The following SCLY variants were observed in gnomAD, a reference collection of about 807,000 sequenced individuals.
SCLY encodes putative selenocysteine lyase.
Under a neutral mutation model 50.1 loss-of-function variants are expected in SCLY, and 38 were observed. The observed-to-expected ratio is 0.76, with a 90% CI of 0.59 to 0.99. SCLY has a LOEUF of 0.99. Ranked by LOEUF, SCLY falls within the 50% of genes least tolerant of loss-of-function variation. The probability of loss-of-function intolerance (pLI) is 0.00; values close to 1 mark genes in which losing one functional copy is unlikely to be tolerated. For synonymous variants in SCLY, 243 were observed against 249.4 expected (o/e 0.97, Z 0.24); for missense variants, 600 against 620.0 (o/e 0.97, Z 0.34).
Position 238,076,434 on chromosome 2 carries a change from C to T in SCLY, c.485-5275C>T, listed in dbSNP as rs528401120. Among the ~76,000 whole-genome samples the T allele has an allele frequency of 7.2e-5, 11 of 151,948 alleles. No individual in the cohort carries two copies. In the East Asian group the frequency reaches 1.7e-3, roughly 24 times the overall value. On this transcript the variant is annotated intron_variant, in intron 4 of 11. Transcript: ENST00000254663. ...GTAGGCATTTAAAGACATAAATTTC[C>T]CTCTAAGCACTGCTTTAACTACATT...
At position 238,068,482 on chromosome 2, in the gene SCLY, A is replaced by C. The variant is rs898817907; in HGVS notation, c.303+317A>C. 7.9e-5 allele frequency among the ~76,000 whole-genome samples: 12 copies of C among 152,162 alleles called. No homozygotes were observed. The East Asian group carries it at 2.3e-3, about 29-fold the overall frequency. Reference sequence around the variant, plus strand: ...CAGAATCATTTGAACCCAGGAATTCAAGGCTGCAGTGAGCTATGATCACGC... The same window carrying C: ...CAGAATCATTTGAACCCAGGAATTCCAGGCTGCAGTGAGCTATGATCACGC... On this transcript the variant is annotated intron_variant, in intron 3 of 11. Transcript: ENST00000254663.
chr2:238,086,967 C>T (rs1243866592), intron 7 of SCLY, among the ~76,000 whole-genome samples: 15 of 149,456 alleles, frequency 1.0e-4, no homozygotes, highest in South Asian at 4.2e-4. Context: ...TGTGGTGACC[C>T]GAGATCGCAC....
intron 5 of SCLY, 83 bp from the exon 6 acceptor site, chr2:238,081,962 C>G (rs929500895): frequency 6.3e-7 from 1 of 1,576,724 alleles, no homozygotes; most frequent in African/African-American, 1.3e-5. Flanking sequence ...TAACATTTGG[C>G]CTGCGCTCAC....
rs371961950 is a variant in SCLY at position 238,068,169 on chromosome 2, A to G, written c.303+4A>G. 24 of 1,581,538 alleles carry G rather than the reference A, an allele frequency of 1.5e-5. No homozygotes were observed. The African/African-American group carries it at 3.0e-4, about 20-fold the overall frequency. ...CTTCACTTCCGGGGGCACTGAGGTAAAGCTTCTGAACACACTCACATTCTG... is the reference window on the plus strand; with the variant it reads ...CTTCACTTCCGGGGGCACTGAGGTAGAGCTTCTGAACACACTCACATTCTG... On this transcript the variant is annotated splice_donor_region_variant and intron_variant, in intron 3 of 11. Transcript: ENST00000254663.
At chr2:238,075,347 T>C (rs928996127) in intron 4 of SCLY, among the ~76,000 whole-genome samples, 4 of 152,212 alleles carry the variant, frequency 2.6e-5, no homozygotes, top group Non-Finnish European at 4.4e-5. Context: ...AGTTTTCTTG[T>C]GGTGTCTTTG....
At position 238,093,882 on chromosome 2, in the gene SCLY, A is replaced by G; in HGVS notation, c.943A>G (p.Asn315Asp). ...CCAGGCCGCGGAGCTGGTGACCCAG[A>G]ACTGCGAGGCTTATGAGGCCCACAT... ...LGKAAELVTQ[N>D]CEAYEAHMRD... Residue 315 changes from asparagine (N) to aspartate (D), a missense_variant, in exon 9 of 12, where the codon AAC becomes GAC. Transcript: ENST00000254663. 9.3e-6 allele frequency: 15 copies of G among 1,614,064 alleles called. No homozygotes were observed. The highest frequency in any genetic ancestry group is 1.3e-5 in the Non-Finnish European group (15 of 1,180,020).
intron 11 of SCLY, among the ~76,000 whole-genome samples, chr2:238,097,079 G>A (rs2065445217): frequency 6.6e-6 from 1 of 151,930 alleles, no homozygotes; most frequent in African/African-American, 2.4e-5. Flanking sequence ...ACTTGTGCGG[G>A]AGAAGAGGGC....
chr2:238,064,327 T>G (rs773260161), intron 1 of SCLY, 30 bp from the exon 2 acceptor site: 1 of 1,463,016 alleles, frequency 6.8e-7, no homozygotes, highest in Admixed American at 1.9e-5. Flanking sequence ...TCCTTTTCCT[T>G]AATGGGTGTC....
chr2:238,064,698 G>A (rs1317559357), intron 2 of SCLY: 1 of 320,938 alleles, frequency 3.1e-6, no homozygotes, highest in Admixed American at 5.3e-5. Context: ...TTAACATGCT[G>A]TCCTGTCACC....
chr2:238,096,946 G>C, intron 11 of SCLY, 70 bp downstream of exon 11: 1 of 1,410,800 alleles, frequency 7.1e-7, no homozygotes, highest in Non-Finnish European at 9.6e-7. Context: ...TGGGCAGGCG[G>C]CAGGATCCGG....
intron 3 of SCLY, 141 bp downstream of exon 3, chr2:238,068,306 T>C (rs754418460): frequency 3.2e-6 from 2 of 623,040 alleles, no homozygotes; most frequent in Non-Finnish European, 5.2e-6. Context: ...CCCAGTACTT[T>C]GGGAGGCCAA....
Position 238,098,806 on chromosome 2 carries a change from G to C in SCLY, c.*451G>C, listed in dbSNP as rs1037934865. The C allele has an allele frequency of 8.6e-6, 3 of 347,448 alleles. No individual in the cohort carries two copies. Among genetic ancestry groups the C allele is most frequent in the East Asian group, 4.3e-5 (1 of 23,284 alleles). The allele number at this position is 347,448 out of a possible 1,614,324, so 21.5% of individuals were successfully genotyped here. ...TCCAAGTATTTATAACTCATTGTCA[G>C]CCAAATGCTATCATGAACGTAGGAA... is the stretch of plus-strand genomic sequence containing the variant. On this transcript the variant is annotated 3_prime_UTR_variant, in exon 12 of 12. Coordinates refer to ENST00000254663, the MANE Select transcript of SCLY (RefSeq NM_016510.7).
intron 5 of SCLY, 50 bp from the exon 6 acceptor site, chr2:238,081,995 G>A: frequency 6.3e-7 from 1 of 1,591,278 alleles, no homozygotes. Flanking sequence ...CTGTCATTCA[G>A]TTTTCATCAG....
Position 238,094,414 on chromosome 2 carries a change from T to A in SCLY, c.1006-6T>A, listed in dbSNP as rs777540869. The A allele has an allele frequency of 6.2e-7, 1 of 1,611,674 alleles. No individual in the cohort carries two copies. The highest frequency in any genetic ancestry group is 1.7e-5 in the Admixed American group (1 of 59,598). Reference sequence around the variant, plus strand: ...TGTCACCAAATATTTCACTTATTTTTTTCAGGCTGAATTCGGTCAGAAGAG... The same window carrying A: ...TGTCACCAAATATTTCACTTATTTTATTCAGGCTGAATTCGGTCAGAAGAG... On this transcript the variant is annotated splice_region_variant and splice_polypyrimidine_tract_variant and intron_variant, in intron 9 of 11. Coordinates refer to ENST00000254663, the MANE Select transcript of SCLY (RefSeq NM_016510.7).
intron 4 of SCLY, among the ~76,000 whole-genome samples, chr2:238,072,594 A>AT (rs2106440187): frequency 6.6e-6 from 1 of 152,314 alleles, no homozygotes; most frequent in South Asian, 2.1e-4. Flanking sequence ...GTAAAGTGGT[A>AT]TCTCATTTTG....
intron 4 of SCLY, among the ~76,000 whole-genome samples, chr2:238,074,204 G>T (rs533182497): frequency 6.6e-6 from 1 of 152,124 alleles, no homozygotes; most frequent in South Asian, 2.1e-4. Context: ...TACTTGGGAG[G>T]CTGAGGCAGG....
Position 238,069,397 on chromosome 2 carries a change from A to G in SCLY, c.404A>G (p.Lys135Arg), listed in dbSNP as rs760529167. ...CACCACAGCCCAGTGAAGGGGGCCA[A>G]GCCCCATTTCATTACTTCCTCGGTG... ...GGHHSPVKGA[K>R]PHFITSSVEH... is the part of the protein sequence containing the mutation. Residue 135 changes from lysine (K) to arginine (R), a missense_variant, in exon 4 of 12, where the codon AAG becomes AGG. Coordinates refer to ENST00000254663, the MANE Select transcript of SCLY (RefSeq NM_016510.7). The surrounding 1 kb of genome is among the most constrained non-coding windows in gnomAD (Gnocchi z 5.0). 1.9e-6 allele frequency: 3 copies of G among 1,614,138 alleles called. No individual in the cohort carries two copies. The South Asian group carries it at 3.3e-5, about 18-fold the overall frequency.
intron 8 of SCLY, chr2:238,091,537 G>GAT: frequency 4.2e-5 from 15 of 361,106 alleles, no homozygotes; most frequent in South Asian, 1.3e-4. Context: ...GAAGTGTCAA[G>GAT]CTGCAGGTTC....
chr2:238,064,752 AG>A, intron 2 of SCLY: 1 of 230,168 alleles, frequency 4.3e-6, no homozygotes, highest in Non-Finnish European at 8.5e-6. Context: ...TCCTTGAAGT[AG>A]CAGTCAGTAC....
Sources: gnomAD v4.1 joint callset for allele counts (sites outside exome capture counted in the v4.1 genomes callset) on GRCh38, gnomAD v4.1.1 for gene constraint, Gnocchi (gnomAD v3.1) non-coding constraint, MANE v1.5 for transcripts, NCBI Gene and HGNC (gene_info 2026-07-23, HGNC 2026-07-21) for gene names.